Variants in DOC2B observed in about 807,000 individuals in gnomAD.
DOC2B encodes the protein double C2 domain beta.
In DOC2B, 21 loss-of-function variants were observed where a neutral mutation model predicts 28.9. The ratio of observed to expected loss-of-function variants is 0.73; its 90% CI spans 0.52 to 1.05. The LOEUF is 1.05. Among genes scored for constraint, DOC2B ranks in the 50% least tolerant of loss-of-function variants. DOC2B has a pLI of 0.00. For synonymous variants in DOC2B, 194 were observed against 178.1 expected (o/e 1.09, Z -0.71); for missense variants, 384 against 421.1 (o/e 0.91, Z 0.77).
intron 5 of DOC2B, among the ~76,000 whole-genome samples, chr17:158,032 C>G (rs1212307126): frequency 6.6e-6 from 1 of 152,234 alleles, no homozygotes; most frequent in Non-Finnish European, 1.5e-5. Context: ...ACCCCGAAGA[C>G]AGAGTTCTGG....
chr17:164,043 C>T (rs1025463537), intron 3 of DOC2B, 87 bp downstream of exon 3: 1 of 1,132,366 alleles, frequency 8.8e-7, no homozygotes, highest in Non-Finnish European at 1.3e-6. Context: ...CAGCCCAGTC[C>T]AGGCCCCAAA....
At chr17:162,667 A>G (rs1055694443) in intron 3 of DOC2B, among the ~76,000 whole-genome samples, 1 of 152,252 alleles carries the variant, frequency 6.6e-6, no homozygotes, top group Non-Finnish European at 1.5e-5. Flanking sequence ...GCAGTCCGAG[A>G]GTAAACGCGC....
rs1397467007 is a variant in DOC2B, at chr17:143,593, C to T, written c.*3848G>A. ...GAACTCCAGGCCTCAAGCAATTCTC[C>T]CACCTCGACCTCCAAAAGTGCTAGG... On this transcript the variant is annotated 3_prime_UTR_variant, in exon 9 of 9. Coordinates refer to ENST00000613549, the MANE Select transcript of DOC2B (RefSeq NM_003585.5). The T allele has an allele frequency of 1.3e-5, 2 of 152,164 alleles. No homozygotes were observed. Among genetic ancestry groups the T allele is most frequent in the Admixed American group, 1.3e-4 (2 of 15,284 alleles). The allele number at this position is 152,164 out of a possible 1,614,324, so 9.4% of individuals were successfully genotyped here. A position where few individuals can be genotyped will look rare whatever the true frequency, so the allele number is the denominator to read the frequency against.
chr17:147,688 C>T (rs3752054), intron 8 of DOC2B, 111 bp from the exon 9 acceptor site: 107,845 of 398,124 alleles, frequency 0.27, 16,995 homozygotes, highest in East Asian at 0.6. Context: ...TCCCACTGCC[C>T]GCTGGGTTCT....
intron 1 of DOC2B, among the ~76,000 whole-genome samples, chr17:175,081 A>T (rs1043325188): frequency 1.3e-5 from 2 of 152,126 alleles, no homozygotes; most frequent in African/African-American, 4.8e-5. Flanking sequence ...TCTACAAAAA[A>T]TACAAAAATA....
At position 166,482 on chromosome 17, in the gene DOC2B, C is replaced by T. The variant is rs1057445206; in HGVS notation, c.454-2278G>A. ...TAGGGGTGGGCCTCACGGGAGGTGA[C>T]GTGGTTTGGCGGTGTCCCCACCCAA... On this transcript the variant is annotated intron_variant, in intron 2 of 8. Transcript: ENST00000613549. Among the ~76,000 whole-genome samples, 6 of 152,322 alleles carry T rather than the reference C, an allele frequency of 3.9e-5. No homozygotes were observed. The East Asian group carries it at 9.6e-4, about 24-fold the overall frequency.
At chr17:177,238 G>A (rs1311022476) in intron 1 of DOC2B, among the ~76,000 whole-genome samples, 3 of 152,114 alleles carry the variant, frequency 2.0e-5, no homozygotes, top group African/African-American at 7.2e-5. Flanking sequence ...TTAGAGACGA[G>A]TGTTAAGATT....
At position 147,398 on chromosome 17, in the gene DOC2B, G is replaced by A. The variant is rs927574690; in HGVS notation, c.*43C>T. On this transcript the variant is annotated 3_prime_UTR_variant, in exon 9 of 9. Coordinates refer to ENST00000613549, the MANE Select transcript of DOC2B (RefSeq NM_003585.5). Reference sequence around the variant, plus strand: ...GCTGGGGAAGCCCGGGGCCGGCCGTGCTGGGCGCAGGTGGCGGCAGGGGTA... The same window carrying A: ...GCTGGGGAAGCCCGGGGCCGGCCGTACTGGGCGCAGGTGGCGGCAGGGGTA... The A allele has an allele frequency of 3.8e-5, 15 of 398,770 alleles. No homozygotes were observed. The highest frequency in any genetic ancestry group is 6.6e-5 in the Non-Finnish European group (15 of 226,262). 24.7% of individuals were successfully genotyped at this position (398,770 alleles called of 1,614,324 possible).
In DOC2B at chr17:181,454, T is replaced by G; in HGVS notation, c.26A>C (p.Lys9Thr). The G allele has an allele frequency of 8.8e-7, 1 of 1,138,852 alleles. No homozygotes were observed. The highest frequency in any genetic ancestry group is 1.1e-6 in the Non-Finnish European group (1 of 916,870). 70.5% of individuals were successfully genotyped at this position (1,138,852 alleles called of 1,614,324 possible). Residue 9 changes from lysine to threonine, a missense_variant, in exon 1 of 9, where the codon AAG becomes ACG. Physicochemically the swap from Lys to Thr is moderately conservative, Grantham distance 78. Transcript: ENST00000613549. This position sits in a 1 kb window ranked among gnomAD's most constrained non-coding sequence, Gnocchi z 7.0. MTLRRRGE[K>T]ATISIQEHMA... is the part of the protein sequence containing the mutation. ...ATGCTCCTGGATGCTGATGGTCGCCTTCTCCCCGCGCCGCCGGAGGGTCAT... is the reference window on the plus strand; with the variant it reads ...ATGCTCCTGGATGCTGATGGTCGCCGTCTCCCCGCGCCGCCGGAGGGTCAT...
Position 148,156 on chromosome 17 carries a change from C to T in DOC2B, c.1102+17G>A. 2.5e-6 allele frequency: 1 copy of T among 398,510 alleles called. No individual in the cohort carries two copies. The allele number at this position is 398,510 out of a possible 1,614,324, so 24.7% of individuals were successfully genotyped here. On this transcript the variant is annotated intron_variant, in intron 8 of 8. Coordinates refer to ENST00000613549, the MANE Select transcript of DOC2B (RefSeq NM_003585.5). The stretch of plus-strand genomic sequence containing the variant: ...ACAGGCACACAGTGAGACGGTGTTC[C>T]CACTATGCCCCCTTACCAATGAAAT...
At position 181,182 on chromosome 17, in the gene DOC2B, G is replaced by T; in HGVS notation, c.298C>A (p.Pro100Thr). Residue 100 changes from proline (P) to threonine (T), a missense_variant, in exon 1 of 9, where the codon CCC becomes ACC. Coordinates refer to ENST00000613549, the MANE Select transcript of DOC2B (RefSeq NM_003585.5). The surrounding 1 kb of genome is among the most constrained non-coding windows in gnomAD (Gnocchi z 7.0). ...YGSSPGPSPG[P>T]SPARPPAKPP... Reference sequence around the variant, plus strand: ...TTGGCTGGCGGCCGCGCGGGGCTGGGACCCGGGCTGGGGCCCGGGCTGGAG... The same window carrying T: ...TTGGCTGGCGGCCGCGCGGGGCTGGTACCCGGGCTGGGGCCCGGGCTGGAG... 1 of 1,245,846 alleles carries T rather than the reference G, an allele frequency of 8.0e-7. No individual in the cohort carries two copies. Among genetic ancestry groups the T allele is most frequent in the Non-Finnish European group, 1.0e-6 (1 of 995,652 alleles). The allele number at this position is 1,245,846 out of a possible 1,614,324, so 77.2% of individuals were successfully genotyped here.
In DOC2B at chr17:154,219, A is replaced by G. The variant is rs376768384; in HGVS notation, c.923+2001T>C. On this transcript the variant is annotated intron_variant, in intron 6 of 8. Transcript: ENST00000613549. ...CTCCTTCTTAGGGCTGATATTCCAC[A>G]CACCCGCTACACTCCTTCTTAGGGC... Among the ~76,000 whole-genome samples, 681 of 91,512 alleles carry G rather than the reference A, an allele frequency of 7.4e-3. 2 individuals carry two copies. Among genetic ancestry groups the G allele is most frequent in the Middle Eastern group, 0.028 (3 of 108 alleles). 60.0% of individuals were successfully genotyped at this position (91,512 alleles called of 152,430 possible).
chr17:181,283 C>T lies in DOC2B; in HGVS notation c.197G>A (p.Gly66Asp). 1.7e-6 allele frequency: 2 copies of T among 1,197,336 alleles called. No homozygotes were observed. Among genetic ancestry groups the T allele is most frequent in the Non-Finnish European group, 1.0e-6 (1 of 966,348 alleles). 74.2% of individuals were successfully genotyped at this position (1,197,336 alleles called of 1,614,324 possible). Reference protein sequence around the residue: ...PDAPARPAVAGAGRRSPSDGA... With the variant: ...PDAPARPAVADAGRRSPSDGA... ...GTCGGAGGGGCTGCGGCGGCCGGCA[C>T]CGGCCACAGCCGGGCGCGCGGGGGC... is the stretch of plus-strand genomic sequence containing the variant. The change falls in exon 1 of 9, where the codon GGT becomes GAT. Residue 66 changes from glycine (G) to aspartate (D), a missense_variant. Gly to Asp is a moderately conservative substitution (Grantham distance 94). Coordinates refer to ENST00000613549, the MANE Select transcript of DOC2B (RefSeq NM_003585.5). This position sits in a 1 kb window ranked among gnomAD's most constrained non-coding sequence, Gnocchi z 7.0.
rs1228318199 is a variant in DOC2B, at chr17:146,931, G to A, written c.*510C>T. The A allele has an allele frequency of 6.5e-6, 1 of 153,336 alleles. No individual in the cohort carries two copies. Among genetic ancestry groups the A allele is most frequent in the African/African-American group, 2.4e-5 (1 of 41,528 alleles). The allele number at this position is 153,336 out of a possible 1,614,324, so 9.5% of individuals were successfully genotyped here. A position where few individuals can be genotyped will look rare whatever the true frequency, so the allele number is the denominator to read the frequency against. On this transcript the variant is annotated 3_prime_UTR_variant, in exon 9 of 9. Transcript: ENST00000613549. Reference sequence around the variant, plus strand: ...TCAGGAGCCTCCGGGAACTCTGGCAGACTTTCGGCCGGCAGGCCCGCTTCT... The same window carrying A: ...TCAGGAGCCTCCGGGAACTCTGGCAAACTTTCGGCCGGCAGGCCCGCTTCT...
chr17:174,778 G>A (rs941533889), intron 1 of DOC2B, among the ~76,000 whole-genome samples: 1 of 152,296 alleles, frequency 6.6e-6, no homozygotes, highest in African/African-American at 2.4e-5. Context: ...TTTCTCCCAT[G>A]AGACCAGGTG....
Position 147,771 on chromosome 17 carries a change from A to C in DOC2B, c.1103-194T>G, listed in dbSNP as rs2040031853. The stretch of plus-strand genomic sequence containing the variant: ...GGCCCAGCCATCCTGTCTCTCTTCC[A>C]CCAGGGCAGGGATAGGGGCAGGGTG... On this transcript the variant is annotated intron_variant, in intron 8 of 8. Transcript: ENST00000613549. Among the ~76,000 whole-genome samples, 3 of 152,142 alleles carry C rather than the reference A, an allele frequency of 2.0e-5. No individual in the cohort carries two copies. The South Asian group carries it at 6.2e-4, about 31-fold the overall frequency.
At chr17:147,823 T>C (rs1192859288) in intron 8 of DOC2B, among the ~76,000 whole-genome samples, 1 of 152,072 alleles carries the variant, frequency 6.6e-6, no homozygotes, top group African/African-American at 2.4e-5. Context: ...GGTCAAGGAA[T>C]GGGGGCCTGA....
intron 1 of DOC2B, among the ~76,000 whole-genome samples, chr17:177,028 ATTTTTTTTTTT>A (rs5818738): frequency 7.6e-6 from 1 of 131,136 alleles, no homozygotes; most frequent in African/African-American, 2.9e-5. Context: ...ATCTGCCCTG[ATTTTTTTTTTT>A]TTTTTTTTTA....
chr17:156,929 T>C (rs901385585), intron 5 of DOC2B, among the ~76,000 whole-genome samples: 3 of 152,202 alleles, frequency 2.0e-5, no homozygotes, highest in Admixed American at 1.3e-4. Flanking sequence ...AAAAATATTT[T>C]GTGACACATG....
Sources: gnomAD v4.1 joint callset for allele counts (sites outside exome capture counted in the v4.1 genomes callset) on GRCh38, gnomAD v4.1.1 for gene constraint, Gnocchi (gnomAD v3.1) non-coding constraint, MANE v1.5 for transcripts, NCBI Gene and HGNC (gene_info 2026-07-23, HGNC 2026-07-21) for gene names.